The following CPEB3 variants were observed in gnomAD, a reference collection of about 807,000 sequenced individuals.
CPEB3 encodes the protein cytoplasmic polyadenylation element-binding protein 3.
CPEB3 carries 20 observed loss-of-function variants against 67.2 expected under a neutral mutation model. The observed-to-expected ratio is 0.30, with a 90% CI of 0.21 to 0.43. The LOEUF (loss-of-function observed/expected upper bound fraction) is 0.43. CPEB3 is among the 20% of genes least tolerant of loss of function. The probability of loss-of-function intolerance (pLI) is 1.00; values close to 1 mark genes in which losing one functional copy is unlikely to be tolerated. For synonymous variants in CPEB3, 376 were observed against 393.1 expected, an observed-to-expected ratio of 0.96 and a Z score of 0.51; for missense variants, 746 against 968.6, an observed-to-expected ratio of 0.77 and a Z score of 3.05.
chr10:92,220,462 C>T (rs1850638393), intron 2 of CPEB3, among the ~76,000 whole-genome samples: 1 of 151,898 alleles, frequency 6.6e-6, no homozygotes, highest in African/African-American at 2.4e-5. Context: ...CCATAGATGG[C>T]ATTAATAGTA....
intron 4 of CPEB3, among the ~76,000 whole-genome samples, chr10:92,164,629 A>G (rs1010172038): frequency 2.0e-5 from 3 of 152,130 alleles, no homozygotes; most frequent in African/African-American, 7.2e-5. Flanking sequence ...TATTTTGTTT[A>G]TTTTTATTGC....
At chr10:92,095,829 G>A (rs1451206233) in intron 7 of CPEB3, among the ~76,000 whole-genome samples, 3 of 151,392 alleles carry the variant, frequency 2.0e-5, no homozygotes, top group Admixed American at 1.3e-4. Flanking sequence ...CTGGTCCTCC[G>A]TATCTGTGGG....
chr10:92,177,722 C>T lies in CPEB3; in HGVS notation c.1222+3241G>A, dbSNP rs576015572. On this transcript the variant is annotated intron_variant, in intron 4 of 9. Coordinates refer to ENST00000265997, the MANE Select transcript of CPEB3 (RefSeq NM_014912.5). ...CTTGGAGGAAGGTATAACTGGAGGG[C>T]ATGCACTAGGAACACCAAAAAATGG... Among the ~76,000 whole-genome samples the T allele has an allele frequency of 2.0e-5, 3 of 152,294 alleles. No homozygotes were observed. The South Asian group carries it at 6.2e-4, about 32-fold the overall frequency.
intron 1 of CPEB3, among the ~76,000 whole-genome samples, chr10:92,289,718 C>CAAAAAAAAAAAAAAAAAAAAAAAAAAAAA (rs749285662): frequency 3.2e-5 from 1 of 30,984 alleles, no homozygotes; most frequent in Non-Finnish European, 4.7e-5. Context: ...GCGTCTCTAC[C>CAAAAAAAAAAAAAAAAAAAAAAAAAAAAA]AAAAAAAAAA....
intron 6 of CPEB3, among the ~76,000 whole-genome samples, chr10:92,112,333 C>A (rs1177065485): frequency 6.6e-6 from 1 of 151,940 alleles, no homozygotes; most frequent in Non-Finnish European, 1.5e-5. Context: ...TTAGTAGAGA[C>A]AGGGTTTCAC....
intron 8 of CPEB3, among the ~76,000 whole-genome samples, chr10:92,090,557 C>A (rs922858757): frequency 6.6e-6 from 1 of 152,072 alleles, no homozygotes; most frequent in African/African-American, 2.4e-5. Flanking sequence ...AACAAACAAA[C>A]AAAAAAACTA....
chr10:92,170,920 A>G (rs189499524), intron 4 of CPEB3, among the ~76,000 whole-genome samples: 10 of 152,304 alleles, frequency 6.6e-5, no homozygotes, highest in Admixed American at 5.2e-4. Context: ...AACTGTATAT[A>G]AAGACTCAAT....
At chr10:92,130,778 CT>C (rs1845811923) in intron 6 of CPEB3, among the ~76,000 whole-genome samples, 1 of 151,806 alleles carries the variant, frequency 6.6e-6, no homozygotes, top group Non-Finnish European at 1.5e-5. Context: ...GGTAAACTTG[CT>C]GCATGAACAG....
chr10:92,214,231 A>G (rs1402492437), intron 2 of CPEB3, among the ~76,000 whole-genome samples: 1 of 152,124 alleles, frequency 6.6e-6, no homozygotes, highest in Non-Finnish European at 1.5e-5. Flanking sequence ...AAAGGGTTAG[A>G]GGGAACCAGC....
chr10:92,257,880 C>T (rs1006724513), intron 1 of CPEB3, among the ~76,000 whole-genome samples: 1 of 151,632 alleles, frequency 6.6e-6, no homozygotes, highest in Non-Finnish European at 1.5e-5. Context: ...CAGGCGCCCA[C>T]CACCATGCCC....
In CPEB3 at chr10:92,134,414, C is replaced by T. The variant is rs182485053; in HGVS notation, c.1453+8615G>A. 2.6e-3 allele frequency among the ~76,000 whole-genome samples: 398 copies of T among 151,836 alleles called. 7 individuals are homozygous for T. Among genetic ancestry groups the T allele is most frequent in the Non-Finnish European group, 4.1e-3 (275 of 67,782 alleles). ...ATCATGAGTGAACTCCCATTCACAA[C>T]TGCTTCAAAGAGAATAAAATACCTA... is the stretch of plus-strand genomic sequence containing the variant. On this transcript the variant is annotated intron_variant, in intron 6 of 9. Transcript: ENST00000265997.
intron 6 of CPEB3, among the ~76,000 whole-genome samples, chr10:92,112,652 C>G (rs1844810539): frequency 6.6e-6 from 1 of 152,204 alleles, no homozygotes; most frequent in Admixed American, 6.5e-5. Flanking sequence ...TGTGGCCACA[C>G]TGGCATTCAT....
At chr10:92,260,633 C>T (rs1282376980) in intron 1 of CPEB3, among the ~76,000 whole-genome samples, 2 of 151,950 alleles carry the variant, frequency 1.3e-5, no homozygotes, top group Non-Finnish European at 2.9e-5. Context: ...GAGGCTGAGT[C>T]CTGCTCTGTT....
rs537091473 is a variant in CPEB3 at position 92,053,699 on chromosome 10, G to A, written c.1870-1260C>T. Among the ~76,000 whole-genome samples the A allele has an allele frequency of 1.8e-3, 273 of 152,186 alleles. 1 individual carries two copies. The highest frequency in any genetic ancestry group is 3.0e-3 in the Non-Finnish European group (207 of 68,010). The stretch of plus-strand genomic sequence containing the variant: ...TGGGACTACAGGCACCCGCCACCAC[G>A]CCTGGCTAATTTTTTGTATTTTTAG... On this transcript the variant is annotated intron_variant, in intron 9 of 9. Transcript: ENST00000265997.
intron 7 of CPEB3, 56 bp from the exon 8 acceptor site, chr10:92,092,000 A>G: frequency 9.5e-7 from 1 of 1,048,802 alleles, no homozygotes; most frequent in East Asian, 2.4e-5. Context: ...CCCAAATGAG[A>G]ATAAGATGAC....
At chr10:92,197,532 A>G (rs1849300267) in intron 2 of CPEB3, among the ~76,000 whole-genome samples, 1 of 152,136 alleles carries the variant, frequency 6.6e-6, no homozygotes, top group Admixed American at 6.6e-5. Context: ...AAGCATCATT[A>G]TTTGTTTTTA....
intron 6 of CPEB3, among the ~76,000 whole-genome samples, chr10:92,132,562 CA>C (rs1282167383): frequency 6.6e-6 from 1 of 151,882 alleles, no homozygotes; most frequent in African/African-American, 2.4e-5. Flanking sequence ...GTTAGTACTA[CA>C]AAAAAACATT....
intron 1 of CPEB3, among the ~76,000 whole-genome samples, chr10:92,245,852 C>T (rs1245130937): frequency 1.3e-5 from 2 of 151,830 alleles, no homozygotes; most frequent in Non-Finnish European, 2.9e-5. Flanking sequence ...GCCTGACCAA[C>T]ACGGTGAAAC....
At chr10:92,190,932 C>G (rs1173975089) in intron 3 of CPEB3, among the ~76,000 whole-genome samples, 2 of 152,082 alleles carry the variant, frequency 1.3e-5, no homozygotes, top group Non-Finnish European at 2.9e-5. Context: ...TGGAAACAAC[C>G]TAAGAGTCTA....
Sources: allele counts gnomAD v4.1 joint callset (sites outside exome capture counted in the v4.1 genomes callset), GRCh38; gene constraint gnomAD v4.1.1; transcripts MANE v1.5; gene names NCBI Gene and HGNC (gene_info 2026-07-23, HGNC 2026-07-21).